Variants in SAMSN1 observed in about 807,000 individuals in gnomAD.
SAMSN1 encodes SAM domain, SH3 domain and nuclear localization signals 1.
In SAMSN1, 31 loss-of-function variants were observed where a neutral mutation model predicts 42.0. That is an observed-to-expected ratio of 0.74 (90% CI 0.55 to 1.00). SAMSN1 has a LOEUF of 1.00. SAMSN1 is among the 50% of genes least tolerant of loss of function. SAMSN1 has a pLI of 0.00. For synonymous variants in SAMSN1, 178 were observed against 151.9 expected (o/e 1.17, Z -1.26); for missense variants, 464 against 439.4 (o/e 1.06, Z -0.50).
chr21:14,506,857 G>C (rs1987434755), intron 5 of SAMSN1, among the ~76,000 whole-genome samples: 1 of 152,150 alleles, frequency 6.6e-6, no homozygotes, highest in African/African-American at 2.4e-5. Context: ...GATCAAGTGG[G>C]TTTAATACCA....
intron 2 of SAMSN1, among the ~76,000 whole-genome samples, chr21:14,634,431 T>C (rs1983414468): frequency 6.6e-6 from 1 of 151,950 alleles, no homozygotes; most frequent in Non-Finnish European, 1.5e-5. Flanking sequence ...AAAGGTCTAG[T>C]ATCCAGAATT....
chr21:14,506,092 C>T (rs1987388326), intron 5 of SAMSN1, among the ~76,000 whole-genome samples: 1 of 151,978 alleles, frequency 6.6e-6, no homozygotes, highest in African/African-American at 2.4e-5. Context: ...GGGGAAAGTG[C>T]ATAGCCCTAA....
chr21:14,649,107 C>G (rs1178952271), intron 1 of SAMSN1, among the ~76,000 whole-genome samples: 1 of 152,012 alleles, frequency 6.6e-6, no homozygotes. Context: ...AGGATGAGTT[C>G]ATGTCCTTTG....
At chr21:14,649,615 C>A (rs1983792022) in intron 1 of SAMSN1, among the ~76,000 whole-genome samples, 1 of 151,784 alleles carries the variant, frequency 6.6e-6, no homozygotes, top group South Asian at 2.1e-4. Flanking sequence ...ACTAAAAATA[C>A]AAAAATTAGC....
chr21:14,654,368 G>C (rs2123400588), intron 1 of SAMSN1, among the ~76,000 whole-genome samples: 1 of 152,104 alleles, frequency 6.6e-6, no homozygotes, highest in African/African-American at 2.4e-5. Context: ...AGTCATGAGT[G>C]CTCTAAAATA....
At chr21:14,564,423 A>G (rs1027881880) in intron 2 of SAMSN1, among the ~76,000 whole-genome samples, 2 of 152,214 alleles carry the variant, frequency 1.3e-5, no homozygotes, top group African/African-American at 4.8e-5. Context: ...TCTTAACAAC[A>G]GTATCAAGTG....
chr21:14,520,007 GC>G (rs1978348370), intron 2 of SAMSN1, among the ~76,000 whole-genome samples: 1 of 152,126 alleles, frequency 6.6e-6, no homozygotes, highest in South Asian at 2.1e-4. Flanking sequence ...ATTTGATGAA[GC>G]AAGCATATTT....
At position 14,510,301 on chromosome 21, in the gene SAMSN1, T is replaced by G; in HGVS notation, c.561+9A>C. On this transcript the variant is annotated intron_variant, in intron 5 of 7. Transcript: ENST00000400566. ...ACCATTCAGAAGGTGGGATATGATG[T>G]CCTCTCACCTTGATTTTGAGGGAGT... The G allele has an allele frequency of 6.2e-7, 1 of 1,613,448 alleles. No individual in the cohort carries two copies. Among genetic ancestry groups the G allele is most frequent in the Non-Finnish European group, 8.5e-7 (1 of 1,179,336 alleles).
chr21:14,543,364 C>T (rs1393147885), intron 1 of SAMSN1, among the ~76,000 whole-genome samples: 1 of 152,128 alleles, frequency 6.6e-6, no homozygotes, highest in South Asian at 2.1e-4. Context: ...AATGATAACA[C>T]TACACATGGT....
chr21:14,614,558 C>T (rs765948127), intron 3 of SAMSN1, among the ~76,000 whole-genome samples: 1 of 152,128 alleles, frequency 6.6e-6, no homozygotes, highest in African/African-American at 2.4e-5. Flanking sequence ...GTGCTCGCTT[C>T]GGCAGCACAG....
chr21:14,534,585 G>A (rs952127604), intron 1 of SAMSN1, among the ~76,000 whole-genome samples: 5 of 151,084 alleles, frequency 3.3e-5, no homozygotes, highest in Non-Finnish European at 7.4e-5. Flanking sequence ...GCGCTGTCTC[G>A]GCTCACTGCA....
chr21:14,574,457 G>A (rs1187726945), intron 2 of SAMSN1, among the ~76,000 whole-genome samples: 1 of 152,104 alleles, frequency 6.6e-6, no homozygotes, highest in Non-Finnish European at 1.5e-5. Flanking sequence ...AGAGAGAAAA[G>A]GAGCAAAATC....
intron 1 of SAMSN1, among the ~76,000 whole-genome samples, chr21:14,540,778 G>A (rs1040840175): frequency 1.3e-5 from 2 of 152,206 alleles, no homozygotes; most frequent in African/African-American, 4.8e-5. Context: ...CCATCCCATT[G>A]CTGGGTATAT....
intron 3 of SAMSN1, 61 bp from the exon 4 acceptor site, chr21:14,512,634 A>C: frequency 6.8e-7 from 1 of 1,473,430 alleles, no homozygotes; most frequent in Non-Finnish European, 9.5e-7. Context: ...ATGTACATTG[A>C]GTACATTGAT....
At chr21:14,510,492 G>T (rs754184102) in intron 4 of SAMSN1, 31 bp from the exon 5 acceptor site, 1 of 1,612,576 alleles carries the variant, frequency 6.2e-7, no homozygotes, top group African/African-American at 1.3e-5. Flanking sequence ...CAGTTGTCAT[G>T]GAAGACTTAT....
chr21:14,542,798 GC>G (rs1467477829), intron 1 of SAMSN1, among the ~76,000 whole-genome samples: 1 of 152,028 alleles, frequency 6.6e-6, no homozygotes, highest in Non-Finnish European at 1.5e-5. Context: ...TTAAAAATTA[GC>G]TGGGCTGGTG....
At chr21:14,579,665 GGA>G (rs1278019870) in intron 2 of SAMSN1, among the ~76,000 whole-genome samples, 2 of 92,378 alleles carry the variant, frequency 2.2e-5, no homozygotes, top group South Asian at 4.2e-4. Context: ...TTTTTTTTTT[GGA>G]GGCAGGGTCT....
At chr21:14,545,343 A>G (rs1447114843) in intron 1 of SAMSN1, among the ~76,000 whole-genome samples, 1 of 152,118 alleles carries the variant, frequency 6.6e-6, no homozygotes, top group Non-Finnish European at 1.5e-5. Flanking sequence ...TAGACAATAA[A>G]TCAATCCTTA....
chr21:14,517,832 C>T (rs1199013166), intron 2 of SAMSN1, among the ~76,000 whole-genome samples: 1 of 152,004 alleles, frequency 6.6e-6, no homozygotes, highest in Non-Finnish European at 1.5e-5. Flanking sequence ...ATATATATTA[C>T]ATTATATAGA....
Sources: allele counts gnomAD v4.1 joint callset (sites outside exome capture counted in the v4.1 genomes callset), GRCh38; gene constraint gnomAD v4.1.1; transcripts MANE v1.5; gene names NCBI Gene and HGNC (gene_info 2026-07-23, HGNC 2026-07-21).